The following MYO15A variants were observed in gnomAD, a reference collection of about 807,000 sequenced individuals.
MYO15A encodes the protein myosin XVA.
In MYO15A, 308 loss-of-function variants were observed where a neutral mutation model predicts 394.6. The ratio of observed to expected loss-of-function variants is 0.78; its 90% CI spans 0.71 to 0.86. The LOEUF is 0.86. Among genes scored for constraint, MYO15A ranks in the 40% least tolerant of loss-of-function variants. The pLI is 0.00. For missense variants in MYO15A, 4,606 were observed against 4,799.1 expected, an observed-to-expected ratio of 0.96 and a Z score of 1.19; for synonymous variants, 1,957 against 2,003.8, an observed-to-expected ratio of 0.98 and a Z score of 0.62.
chr17:18,162,756 T>C (rs2046795074), intron 58 of MYO15A, 77 bp downstream of exon 58: 1 of 1,483,902 alleles, frequency 6.7e-7, no homozygotes, highest in Non-Finnish European at 9.3e-7. Flanking sequence ...TCCCAGCACT[T>C]TGGGAGGCTG....
chr17:18,147,152 G>A lies in MYO15A; in HGVS notation c.6510-877G>A, dbSNP rs143741918. 2.0e-5 allele frequency among the ~76,000 whole-genome samples: 3 copies of A among 152,330 alleles called. No individual in the cohort carries two copies. Among genetic ancestry groups the A allele is most frequent in the African/African-American group, 7.2e-5 (3 of 41,572 alleles). On this transcript the variant is annotated intron_variant, in intron 30 of 65. Coordinates refer to ENST00000647165, the MANE Select transcript of MYO15A (RefSeq NM_016239.4). This position sits in a 1 kb window ranked among gnomAD's most constrained non-coding sequence, Gnocchi z 4.4. ...ATCTCAGCTCTGATACTTACCTGCT[G>A]TGTGGCCTGAGACAAGTCACTGTCC...
At chr17:18,139,407 C>G (rs2046337918) in intron 18 of MYO15A, 127 bp from the exon 19 acceptor site, 1 of 1,152,666 alleles carries the variant, frequency 8.7e-7, no homozygotes, top group Admixed American at 2.0e-5. Context: ...CTCCCCTCCC[C>G]CAGGAGTAGG....
Position 18,157,219 on chromosome 17 carries a change from G to T in MYO15A, c.8777G>T (p.Gly2926Val), listed in dbSNP as rs1254697207. 6.2e-7 allele frequency: 1 copy of T among 1,606,232 alleles called. No individual in the cohort carries two copies. The highest frequency in any genetic ancestry group is 1.7e-5 in the Admixed American group (1 of 59,238). The change falls in exon 50 of 66, where the codon GGC (glycine) becomes GTC (valine). Residue 2926 changes from glycine to valine, a missense_variant. Gly to Val is a moderately radical substitution (Grantham distance 109). Around this residue, in one of 2 missense-constraint regions of MYO15A, gnomAD observed 2,776 missense variants for 3,109.3 expected, o/e 0.89. Coordinates refer to ENST00000647165, the MANE Select transcript of MYO15A (RefSeq NM_016239.4). ...TACCTGGAGGAGCTGCGACGTAGAG[G>T]CCCCGACTTTGGTGTGTGCCCCAGA... The part of the protein sequence containing the change: ...VVYLEELRRR[G>V]PDFGWRFGTI...
chr17:18,125,311 T>A, intron 4 of MYO15A, 80 bp downstream of exon 4: 1 of 1,381,068 alleles, frequency 7.2e-7, no homozygotes, highest in South Asian at 1.2e-5. Flanking sequence ...ACGCACAGAT[T>A]TCTCTTGTGG....
chr17:18,170,694 A>C (rs1049162150), intron 62 of MYO15A, among the ~76,000 whole-genome samples: 14 of 152,034 alleles, frequency 9.2e-5, no homozygotes, highest in African/African-American at 3.1e-4. Flanking sequence ...TTAATGTATA[A>C]TTTTAAGTGA....
chr17:18,135,744 G>T lies in MYO15A; in HGVS notation c.4516G>T (p.Ala1506Ser). The change falls in exon 13 of 66, where the codon GCC becomes TCC. Residue 1506 changes from alanine to serine, a missense_variant. Physicochemically the swap from Ala to Ser is moderately conservative, Grantham distance 99. Coordinates refer to ENST00000647165, the MANE Select transcript of MYO15A (RefSeq NM_016239.4). The stretch of plus-strand genomic sequence containing the variant: ...ACAGGAGGTGGCCTCAGTGGTGAGT[G>T]CCCGAGAGATCCAGGCCGTGGCAGA... Reference protein sequence around the residue: ...DAQEVASVVSAREIQAVAELL... With the variant: ...DAQEVASVVSSREIQAVAELL... 1 of 1,614,196 alleles carries T rather than the reference G, an allele frequency of 6.2e-7. No homozygotes were observed. The highest frequency in any genetic ancestry group is 8.5e-7 in the Non-Finnish European group (1 of 1,180,032).
intron 18 of MYO15A, among the ~76,000 whole-genome samples, 153 bp downstream of exon 18, chr17:18,139,089 G>A (rs1359365555): frequency 6.6e-6 from 1 of 152,306 alleles, no homozygotes; most frequent in East Asian, 1.9e-4. Flanking sequence ...AAATTGCTTA[G>A]CCAGTCTGAG....
rs754049993 is a variant in MYO15A at position 18,157,213 on chromosome 17, G to A, written c.8771G>A (p.Arg2924His). ...GTGGTGTACCTGGAGGAGCTGCGAC[G>A]TAGAGGCCCCGACTTTGGTGTGTGC... ...RKVVYLEELR[R>H]RGPDFGWRFG... is the part of the protein sequence containing the mutation. The change falls in exon 50 of 66, where the codon CGT (arginine) becomes CAT (histidine). Residue 2924 changes from arginine (R) to histidine (H), a missense_variant. By Grantham distance (29) the Arg-to-His change is conservative. Around this residue, in one of 2 missense-constraint regions of MYO15A, gnomAD observed 2,776 missense variants for 3,109.3 expected, o/e 0.89. Coordinates refer to ENST00000647165, the MANE Select transcript of MYO15A (RefSeq NM_016239.4). The A allele has an allele frequency of 2.6e-5, 41 of 1,607,724 alleles. No homozygotes were observed. Among genetic ancestry groups the A allele is most frequent in the East Asian group, 1.3e-4 (6 of 44,488 alleles).
At chr17:18,175,290 A>ACCTTTTTTTTTTTTT (rs1567668678) in intron 65 of MYO15A, among the ~76,000 whole-genome samples, 1 of 56,134 alleles carries the variant, frequency 1.8e-5, no homozygotes, top group East Asian at 2.3e-4. Flanking sequence ...CCTCTAGACT[A>ACCTTTTTTTTTTTTT]TCTTTTTTTT....
chr17:18,151,683 T>A (rs1311961889), intron 40 of MYO15A, among the ~76,000 whole-genome samples, 156 bp downstream of exon 40: 1 of 152,146 alleles, frequency 6.6e-6, no homozygotes, highest in African/African-American at 2.4e-5. Context: ...CCTGCTGTTG[T>A]CTAGGTTGTG....
Position 18,149,382 on chromosome 17 carries a change from C to A in MYO15A, c.7117+6C>A, listed in dbSNP as rs2046539437. On this transcript the variant is annotated splice_donor_region_variant and intron_variant, in intron 34 of 65. Coordinates refer to ENST00000647165, the MANE Select transcript of MYO15A (RefSeq NM_016239.4). The stretch of plus-strand genomic sequence containing the variant: ...AGGGACAGCAACCCACCAAGGTCAA[C>A]CAACAATGGCTGCTGTCTCTGGTGG... 2 of 1,606,652 alleles carry A rather than the reference C, an allele frequency of 1.2e-6. No homozygotes were observed. The highest frequency in any genetic ancestry group is 1.7e-6 in the Non-Finnish European group (2 of 1,176,262).
chr17:18,124,895 G>T, intron 3 of MYO15A: 1 of 590,594 alleles, frequency 1.7e-6, no homozygotes, highest in Non-Finnish European at 3.0e-6. Context: ...GGGCCGTGTT[G>T]GTCAGCATCA....
chr17:18,127,057 G>A lies in MYO15A; in HGVS notation c.3942-18G>A. The A allele has an allele frequency of 2.5e-6, 4 of 1,613,918 alleles. No individual in the cohort carries two copies. Among genetic ancestry groups the A allele is most frequent in the Non-Finnish European group, 3.4e-6 (4 of 1,179,900 alleles). ...GCAGCGAAAGGTTGGAGCTCACTCTGCCCCTTTGCTCGGTCAGTGGAGAGA... is the reference window on the plus strand; with the variant it reads ...GCAGCGAAAGGTTGGAGCTCACTCTACCCCTTTGCTCGGTCAGTGGAGAGA... On this transcript the variant is annotated intron_variant, in intron 6 of 65. Coordinates refer to ENST00000647165, the MANE Select transcript of MYO15A (RefSeq NM_016239.4).
chr17:18,140,917 A>T, intron 21 of MYO15A, 85 bp downstream of exon 21: 1 of 1,612,480 alleles, frequency 6.2e-7, no homozygotes. Flanking sequence ...GCCTCTCAGG[A>T]CCTGCATCTG....
At chr17:18,171,189 C>T (rs758605314) in intron 62 of MYO15A, among the ~76,000 whole-genome samples, 5 of 152,200 alleles carry the variant, frequency 3.3e-5, no homozygotes, top group Non-Finnish European at 7.3e-5. Context: ...AGCCTGGAGG[C>T]CCAGCACTCC....
intron 60 of MYO15A, chr17:18,164,298 G>A (rs1013060595): frequency 1.7e-5 from 4 of 238,682 alleles, no homozygotes; most frequent in Middle Eastern, 1.6e-3. Flanking sequence ...CTAGGTGACC[G>A]TCATGCATCC....
chr17:18,133,909 C>T (rs769545333), intron 12 of MYO15A, among the ~76,000 whole-genome samples: 18 of 152,296 alleles, frequency 1.2e-4, no homozygotes, highest in Non-Finnish European at 1.9e-4. Context: ...CCACCGGCCT[C>T]GGCCTCCCAA....
Position 18,173,861 on chromosome 17 carries a change from T to A in MYO15A, c.10431T>A (p.Tyr3477Ter). Residue 3477 changes from tyrosine (Y) to a stop codon, truncating the protein, a stop_gained, in exon 65 of 66, where the codon TAT (tyrosine) becomes TAA (stop). Coordinates refer to ENST00000647165, the MANE Select transcript of MYO15A (RefSeq NM_016239.4). LOFTEE classifies it high-confidence loss of function. ...QRPTANSSYP[Y>*]VEIALGDVAA... ...CCACGGCCAACTCCAGCTACCCCTATGTGGAGATTGCGCTGGGGGACGTGG... is the reference window on the plus strand; with the variant it reads ...CCACGGCCAACTCCAGCTACCCCTAAGTGGAGATTGCGCTGGGGGACGTGG... The A allele has an allele frequency of 6.2e-7, 1 of 1,613,840 alleles. No homozygotes were observed. The highest frequency in any genetic ancestry group is 8.5e-7 in the Non-Finnish European group (1 of 1,180,022).
rs141064199 is a variant in MYO15A at position 18,163,464 on chromosome 17, T to C, written c.9690+143T>C. 298 of 966,636 alleles carry C rather than the reference T, an allele frequency of 3.1e-4. 2 individuals are homozygous for C. In the African/African-American group the frequency reaches 4.1e-3, roughly 13 times the overall value. The allele number at this position is 966,636 out of a possible 1,614,324, so 59.9% of individuals were successfully genotyped here. A position where few individuals can be genotyped will look rare whatever the true frequency, so the allele number is the denominator to read the frequency against. ...CCACAGCCCCACAAGGCAGGACTTA[T>C]TTCTCAGAAGAGCAAACTGCACCTC... On this transcript the variant is annotated intron_variant, in intron 59 of 65. Transcript: ENST00000647165.
Sources: gnomAD v4.1 joint callset for allele counts (sites outside exome capture counted in the v4.1 genomes callset) on GRCh38, gnomAD v4.1.1 for gene constraint, gnomAD v4.1.1 regional missense constraint, Gnocchi (gnomAD v3.1) non-coding constraint, MANE v1.5 for transcripts, NCBI Gene and HGNC (gene_info 2026-07-23, HGNC 2026-07-21) for gene names.